GRID2: variants seen among roughly 807,000 people sequenced by gnomAD.
The protein encoded by GRID2 is glutamate ionotropic receptor delta type subunit 2.
GRID2 carries 33 observed loss-of-function variants against 114.8 expected under a neutral mutation model. The ratio of observed to expected loss-of-function variants is 0.29; its 90% CI spans 0.22 to 0.38. The LOEUF (loss-of-function observed/expected upper bound fraction) is 0.38, where lower values mean the gene tolerates loss of function less well. Among genes scored for constraint, GRID2 ranks in the 10% least tolerant of loss-of-function variants. GRID2 has a pLI of 1.00. For synonymous variants in GRID2, 505 were observed against 449.9 expected (o/e 1.12, Z -1.55); for missense variants, 1,184 against 1,257.7 (o/e 0.94, Z 0.89).
chr4:93,775,452 C>T (rs1434167507), downstream of GRID2, among the ~76,000 whole-genome samples: 2 of 152,216 alleles, frequency 1.3e-5, no homozygotes, highest in East Asian at 3.8e-4. Context: ...ATCCTTCCTT[C>T]CTTGTTTGGG....
chr4:92,367,263 C>T (rs868582069), intron 1 of GRID2, among the ~76,000 whole-genome samples: 9 of 152,124 alleles, frequency 5.9e-5, no homozygotes, highest in South Asian at 2.1e-4. Flanking sequence ...CCTTGCTACA[C>T]ATGTTAGTTG....
chr4:93,111,300 G>A (rs1365698491), intron 4 of GRID2, among the ~76,000 whole-genome samples: 1 of 152,136 alleles, frequency 6.6e-6, no homozygotes, highest in South Asian at 2.1e-4. Context: ...AGTAATTTTT[G>A]TAAGTTAAAA....
intron 8 of GRID2, among the ~76,000 whole-genome samples, chr4:93,288,074 T>G (rs1243811304): frequency 6.6e-6 from 1 of 152,182 alleles, no homozygotes; most frequent in Non-Finnish European, 1.5e-5. Flanking sequence ...TTTTTAAGAT[T>G]TGTGTTTCTG....
intron 2 of GRID2, among the ~76,000 whole-genome samples, chr4:93,019,087 A>C (rs1035319644): frequency 1.3e-5 from 2 of 152,168 alleles, no homozygotes; most frequent in Non-Finnish European, 2.9e-5. Flanking sequence ...TGCAGTGTTC[A>C]TAATGAAATT....
chr4:93,722,996 T>C (rs1729524241), intron 14 of GRID2, among the ~76,000 whole-genome samples: 1 of 152,214 alleles, frequency 6.6e-6, no homozygotes, highest in Admixed American at 6.5e-5. Context: ...CAGTGGTAAG[T>C]GGTGTTTCTT....
At chr4:92,469,524 A>G (rs977305689) in intron 1 of GRID2, among the ~76,000 whole-genome samples, 3 of 152,074 alleles carry the variant, frequency 2.0e-5, no homozygotes, top group Non-Finnish European at 2.9e-5. Flanking sequence ...CATGTTTTCT[A>G]TTTGTATATT....
At chr4:93,295,310 A>T (rs1754177132) in intron 8 of GRID2, among the ~76,000 whole-genome samples, 1 of 152,218 alleles carries the variant, frequency 6.6e-6, no homozygotes, top group Admixed American at 6.5e-5. Flanking sequence ...GGTAAGAAAT[A>T]TGAAGATAAA....
intron 1 of GRID2, among the ~76,000 whole-genome samples, chr4:92,479,172 C>T (rs1722462810): frequency 6.6e-6 from 1 of 152,014 alleles, no homozygotes; most frequent in Non-Finnish European, 1.5e-5. Context: ...AAATATTACA[C>T]CTTGTGTATA....
At chr4:92,652,260 A>G (rs953410068) in intron 2 of GRID2, among the ~76,000 whole-genome samples, 4 of 152,176 alleles carry the variant, frequency 2.6e-5, no homozygotes, top group South Asian at 4.1e-4. Flanking sequence ...ACTGATTCAT[A>G]TGTTAATCTA....
chr4:92,861,993 C>T (rs922205494), intron 2 of GRID2, among the ~76,000 whole-genome samples: 1 of 151,930 alleles, frequency 6.6e-6, no homozygotes, highest in Non-Finnish European at 1.5e-5. Flanking sequence ...ATTTTTCTGT[C>T]TCATTTACCC....
chr4:92,821,871 T>A (rs1741308635), intron 2 of GRID2: 1 of 154,192 alleles, frequency 6.5e-6, no homozygotes, highest in African/African-American at 2.4e-5. Flanking sequence ...AAATACTTTC[T>A]CCCCATCTCT....
At chr4:92,489,985 G>A (rs577970885) in intron 1 of GRID2, among the ~76,000 whole-genome samples, 43 of 152,170 alleles carry the variant, frequency 2.8e-4, no homozygotes, top group Admixed American at 1.8e-3. Flanking sequence ...TTCCAAACAA[G>A]GAAACTAAAA....
chr4:93,035,030 T>C (rs1369010976), intron 2 of GRID2, among the ~76,000 whole-genome samples: 2 of 151,938 alleles, frequency 1.3e-5, no homozygotes, highest in African/African-American at 4.8e-5. Flanking sequence ...AAATATTTCT[T>C]CTCTCTGTAG....
intron 8 of GRID2, among the ~76,000 whole-genome samples, chr4:93,289,823 A>G (rs925614246): frequency 2.6e-5 from 4 of 152,156 alleles, no homozygotes; most frequent in Non-Finnish European, 4.4e-5. Context: ...CATATAACCT[A>G]CATTGATGCT....
At chr4:93,346,761 C>T (rs1484633790) in intron 8 of GRID2, among the ~76,000 whole-genome samples, 1 of 152,128 alleles carries the variant, frequency 6.6e-6, no homozygotes, top group East Asian at 1.9e-4. Flanking sequence ...CTCATCTCAA[C>T]AGATTTTTAG....
intron 13 of GRID2, among the ~76,000 whole-genome samples, chr4:93,536,077 T>G (rs1311840864): frequency 6.6e-6 from 1 of 151,988 alleles, no homozygotes; most frequent in African/African-American, 2.4e-5. Flanking sequence ...AATGAAAAGT[T>G]AACCCATATT....
chr4:92,611,118 G>GCA (rs1729720059), intron 2 of GRID2, among the ~76,000 whole-genome samples: 2 of 144,526 alleles, frequency 1.4e-5, no homozygotes, highest in African/African-American at 2.7e-5. Flanking sequence ...GTGTGTGTAT[G>GCA]TGTGTGTGTG....
At chr4:93,746,886 C>T (rs1445275385) in intron 14 of GRID2, among the ~76,000 whole-genome samples, 1 of 152,074 alleles carries the variant, frequency 6.6e-6, no homozygotes, top group Non-Finnish European at 1.5e-5. Flanking sequence ...AAGAAATTAA[C>T]TCTTTTTTAT....
At chr4:92,965,985 A>G (rs1260778159) in intron 2 of GRID2, among the ~76,000 whole-genome samples, 1 of 151,944 alleles carries the variant, frequency 6.6e-6, no homozygotes, top group Non-Finnish European at 1.5e-5. Context: ...AACCAGGCTC[A>G]TTCTTAGAAA....
Sources: allele counts gnomAD v4.1 joint callset (sites outside exome capture counted in the v4.1 genomes callset), GRCh38; gene constraint gnomAD v4.1.1; transcripts MANE v1.5; gene names NCBI Gene and HGNC (gene_info 2026-07-23, HGNC 2026-07-21).